Variants in MEGF6 observed in about 807,000 individuals in gnomAD.
MEGF6 encodes the protein multiple EGF like domains 6, also known as multiple epidermal growth factor-like domains protein 6.
A neutral mutation model predicts 207.1 loss-of-function variants in MEGF6; 184 were observed. The observed-to-expected ratio is 0.89, with a 90% CI of 0.79 to 1.00. MEGF6 has a LOEUF of 1.00. Ranked by LOEUF, MEGF6 falls within the 50% of genes least tolerant of loss-of-function variation. The pLI, the probability that MEGF6 is intolerant of heterozygous loss-of-function variation, is 0.00. For synonymous variants in MEGF6, 1,038 were observed against 910.0 expected (o/e 1.14, Z -2.53); for missense variants, 2,282 against 2,202.9 (o/e 1.04, Z -0.72).
rs1249064056 is a variant in MEGF6 at position 3,565,370 on chromosome 1, C to A, written c.481+14455G>T. On this transcript the variant is annotated intron_variant, in intron 4 of 36. Coordinates refer to ENST00000356575, the MANE Select transcript of MEGF6 (RefSeq NM_001409.4). The surrounding 1 kb of genome is among the most constrained non-coding windows in gnomAD (Gnocchi z 4.8). ...TCCCTTCCTAGCTGGACCTTAAAAC[C>A]CCCCGGGTCCTGGTGCCTGCTCTGG... Among the ~76,000 whole-genome samples the A allele has an allele frequency of 1.3e-5, 2 of 151,696 alleles. No homozygotes were observed. The highest frequency in any genetic ancestry group is 2.4e-5 in the African/African-American group (1 of 40,994).
At chr1:3,549,764 C>T (rs998829319) in intron 4 of MEGF6, among the ~76,000 whole-genome samples, 2 of 152,220 alleles carry the variant, frequency 1.3e-5, no homozygotes, top group Non-Finnish European at 2.9e-5. Context: ...GGGAACCACC[C>T]GGAGGCTGAC....
chr1:3,588,509 G>C (rs1643929549), intron 3 of MEGF6, among the ~76,000 whole-genome samples: 1 of 130,008 alleles, frequency 7.7e-6, no homozygotes, highest in South Asian at 2.8e-4. Flanking sequence ...GGACAGGGCA[G>C]GAGGGGATAG....
intron 4 of MEGF6, among the ~76,000 whole-genome samples, chr1:3,563,228 A>G (rs1438071823): frequency 6.6e-6 from 1 of 152,076 alleles, no homozygotes; most frequent in African/African-American, 2.4e-5. Context: ...CATCAAGACC[A>G]TGGTTTCCCG....
At chr1:3,522,944 C>T (rs1233730314) in intron 5 of MEGF6, among the ~76,000 whole-genome samples, 3 of 152,208 alleles carry the variant, frequency 2.0e-5, no homozygotes, top group Non-Finnish European at 4.4e-5. Context: ...GGGCTGGGGC[C>T]GCACCCCCGT....
intron 1 of MEGF6, among the ~76,000 whole-genome samples, chr1:3,610,614 G>T (rs942786664): frequency 6.6e-6 from 1 of 152,250 alleles, no homozygotes; most frequent in African/African-American, 2.4e-5. Flanking sequence ...CATCTCGGCT[G>T]GCTTCCTGCC....
chr1:3,620,623 C>T, the MEGF6 span, among the ~76,000 whole-genome samples: 1 of 152,234 alleles, frequency 6.6e-6, no homozygotes, highest in Non-Finnish European at 1.5e-5. Flanking sequence ...GGAGCCTCCA[C>T]ACACGGAGTC....
At position 3,505,552 on chromosome 1, in the gene MEGF6, G is replaced by A; in HGVS notation, c.1923C>T (p.Cys641=). The A allele has an allele frequency of 3.8e-6, 6 of 1,575,740 alleles. No individual in the cohort carries two copies. Among genetic ancestry groups the A allele is most frequent in the East Asian group, 2.3e-5 (1 of 43,318 alleles). ...AGCCCGGCCCAAAGGCCCACGGCGG[G>A]CAGGCTGCACCCACAGAACCGTTGA... The part of the protein sequence containing the change: ...GLYGRFCHLT[C]PPWAFGPGCS... Residue 641 remains cysteine (C), a synonymous_variant, in exon 16 of 37, where the codon TGC becomes TGT. Transcript: ENST00000356575.
rs1439876156 is a variant in MEGF6, at chr1:3,594,362, G to A, written c.376+976C>T. Among the ~76,000 whole-genome samples, 1 of 152,222 alleles carries A rather than the reference G, an allele frequency of 6.6e-6. No individual in the cohort carries two copies. Among genetic ancestry groups the A allele is most frequent in the Non-Finnish European group, 1.5e-5 (1 of 68,038 alleles). On this transcript the variant is annotated intron_variant, in intron 3 of 36. Coordinates refer to ENST00000356575, the MANE Select transcript of MEGF6 (RefSeq NM_001409.4). The surrounding 1 kb of genome is among the most constrained non-coding windows in gnomAD (Gnocchi z 4.2). ...GAGGATTGCTTGAGTCCAGGAATTT[G>A]AGGCTGCAGTGAGCTATGGTGGTGC...
chr1:3,544,968 A>ACC (rs2101543479), intron 4 of MEGF6, among the ~76,000 whole-genome samples: 1 of 152,104 alleles, frequency 6.6e-6, no homozygotes, highest in South Asian at 2.1e-4. Context: ...TTTGCTCCCT[A>ACC]CCCCAGCTGG....
Position 3,549,173 on chromosome 1 carries a change from G to A in MEGF6, c.482-24927C>T, listed in dbSNP as rs935570919. 4.6e-5 allele frequency among the ~76,000 whole-genome samples: 7 copies of A among 152,148 alleles called. No individual in the cohort carries two copies. The South Asian group carries it at 6.2e-4, about 14-fold the overall frequency. On this transcript the variant is annotated intron_variant, in intron 4 of 36. Coordinates refer to ENST00000356575, the MANE Select transcript of MEGF6 (RefSeq NM_001409.4). ...GGTGGGGACTGGCCCCCCTAGTCTC[G>A]GGGCCCCCGTGCTCAGCCCAGAACA... is the stretch of plus-strand genomic sequence containing the variant.
At chr1:3,498,258 C>T in intron 26 of MEGF6, 113 bp downstream of exon 26, 2 of 1,333,810 alleles carry the variant, frequency 1.5e-6, no homozygotes, top group Non-Finnish European at 2.0e-6. Context: ...CACAGGACAA[C>T]AGGTCCCCTG....
chr1:3,555,497 C>T lies in MEGF6; in HGVS notation c.481+24328G>A, dbSNP rs79321091. Among the ~76,000 whole-genome samples the T allele has an allele frequency of 5.3e-3, 803 of 152,352 alleles. 13 individuals are homozygous for T. The highest frequency in any genetic ancestry group is 0.018 in the African/African-American group (755 of 41,592). ...CGACTCCTGTAAGCACTGAGGGCGC[C>T]GTGTTTAATGTGGGCGGCTCAGAAA... On this transcript the variant is annotated intron_variant, in intron 4 of 36. Transcript: ENST00000356575.
intron 2 of MEGF6, among the ~76,000 whole-genome samples, chr1:3,598,187 T>C (rs6701230): frequency 0.74 from 111,872 of 152,110 alleles, 41,425 homozygotes; most frequent in East Asian, 0.79. Context: ...CCTCTGGGAG[T>C]GGCCAAGGCA....
intron 1 of MEGF6, among the ~76,000 whole-genome samples, chr1:3,610,399 A>G (rs2101914157): frequency 6.6e-6 from 1 of 152,152 alleles, no homozygotes; most frequent in South Asian, 2.1e-4. Flanking sequence ...GGAGGCCTTC[A>G]CCTGGACCTG....
At chr1:3,493,921 G>A in intron 33 of MEGF6, 22 bp from the exon 34 acceptor site, 1 of 1,584,394 alleles carries the variant, frequency 6.3e-7, no homozygotes, top group South Asian at 1.1e-5. Flanking sequence ...AGTGGGCTCA[G>A]TGTCCCCCTC....
chr1:3,529,598 A>G (rs951312259), intron 4 of MEGF6, among the ~76,000 whole-genome samples: 1 of 152,240 alleles, frequency 6.6e-6, no homozygotes, highest in African/African-American at 2.4e-5. Flanking sequence ...CTGTCAGCAC[A>G]CTGGCACACA....
At chr1:3,561,950 C>G (rs544663906) in intron 4 of MEGF6, among the ~76,000 whole-genome samples, 25 of 152,350 alleles carry the variant, frequency 1.6e-4, no homozygotes, top group South Asian at 4.1e-4. Context: ...TTGGTTCCTC[C>G]AAAGATCCAG....
In MEGF6 at chr1:3,560,659, G is replaced by A. The variant is rs756792972; in HGVS notation, c.481+19166C>T. On this transcript the variant is annotated intron_variant, in intron 4 of 36. Coordinates refer to ENST00000356575, the MANE Select transcript of MEGF6 (RefSeq NM_001409.4). This position sits in a 1 kb window ranked among gnomAD's most constrained non-coding sequence, Gnocchi z 4.0. ...TCCGGGGTCCCTTCCCAGGCTTGGG[G>A]GAGGCTGGGTGCCATCAACCCCTCC... 2.2e-6 allele frequency: 1 copy of A among 446,808 alleles called. No homozygotes were observed. Among genetic ancestry groups the A allele is most frequent in the South Asian group, 1.6e-5 (1 of 62,848 alleles). 27.7% of individuals were successfully genotyped at this position (446,808 alleles called of 1,614,324 possible). A position where few individuals can be genotyped will look rare whatever the true frequency, so the allele number is the denominator to read the frequency against.
intron 4 of MEGF6, among the ~76,000 whole-genome samples, chr1:3,569,617 G>A (rs903287872): frequency 2.6e-5 from 4 of 152,256 alleles, no homozygotes; most frequent in Admixed American, 6.5e-5. Flanking sequence ...GGGGGGCCAC[G>A]GGGTCTCCGG....
Sources: allele counts gnomAD v4.1 joint callset (sites outside exome capture counted in the v4.1 genomes callset), GRCh38; gene constraint gnomAD v4.1.1; non-coding constraint Gnocchi (gnomAD v3.1); transcripts MANE v1.5; gene names NCBI Gene and HGNC (gene_info 2026-07-23, HGNC 2026-07-21).